Variants in CD300A observed in about 807,000 individuals in gnomAD.
The protein encoded by CD300A is CD300a molecule.
Under a neutral mutation model 33.6 loss-of-function variants are expected in CD300A, and 22 were observed. The ratio of observed to expected loss-of-function variants is 0.66; its 90% CI spans 0.47 to 0.94. The LOEUF (loss-of-function observed/expected upper bound fraction) is 0.94, where lower values mean the gene tolerates loss of function less well. Ranked by LOEUF, CD300A falls within the 40% of genes least tolerant of loss-of-function variation. CD300A has a pLI of 0.00. For synonymous variants in CD300A, 136 were observed against 148.1 expected (o/e 0.92, Z 0.59); for missense variants, 326 against 360.5 (o/e 0.90, Z 0.77).
chr17:74,466,786 G>C, intron 1 of CD300A, 43 bp downstream of exon 1: 1 of 1,564,616 alleles, frequency 6.4e-7, no homozygotes, highest in Non-Finnish European at 8.7e-7. Flanking sequence ...CAGGGAGGGA[G>C]GGTGCGAGGG....
At chr17:74,477,617 C>G in intron 4 of CD300A, 87 bp downstream of exon 4, 1 of 828,076 alleles carries the variant, frequency 1.2e-6, no homozygotes, top group Non-Finnish European at 2.0e-6. Context: ...ATGTCCACGT[C>G]CCACAGTATT....
At chr17:74,477,625 A>G in intron 4 of CD300A, 95 bp downstream of exon 4, 1 of 762,806 alleles carries the variant, frequency 1.3e-6, no homozygotes, top group East Asian at 2.7e-5. Flanking sequence ...GTCCCACAGT[A>G]TTGCTATGAC....
chr17:74,474,448 G>A, intron 2 of CD300A, 84 bp from the exon 3 acceptor site: 3 of 1,414,046 alleles, frequency 2.1e-6, no homozygotes, highest in Admixed American at 1.7e-5. Context: ...GGCAGTTTGT[G>A]TGAAATCAAA....
At chr17:74,474,444 T>G (rs999583981) in intron 2 of CD300A, 88 bp from the exon 3 acceptor site, 1 of 1,360,322 alleles carries the variant, frequency 7.4e-7, no homozygotes, top group African/African-American at 1.4e-5. Flanking sequence ...AGTGGGCAGT[T>G]TGTGTGAAAT....
chr17:74,478,564 G>C (rs542631125), intron 4 of CD300A, among the ~76,000 whole-genome samples: 1 of 152,236 alleles, frequency 6.6e-6, no homozygotes, highest in Non-Finnish European at 1.5e-5. Context: ...AAGTGGAGGT[G>C]TGGCCACCAG....
In CD300A at chr17:74,480,960, G is replaced by T. The variant is rs1227160223; in HGVS notation, c.629-329G>T. On this transcript the variant is annotated intron_variant, in intron 4 of 6. Transcript: ENST00000360141. The surrounding 1 kb of genome is among the most constrained non-coding windows in gnomAD (Gnocchi z 4.2). ...GACAGGGTTTCACCCTATTGGCCCG[G>T]CTGGTCTCGAACTCCTGACCTCAAG... Among the ~76,000 whole-genome samples, 2 of 152,136 alleles carry T rather than the reference G, an allele frequency of 1.3e-5. No homozygotes were observed. Among genetic ancestry groups the T allele is most frequent in the Non-Finnish European group, 2.9e-5 (2 of 68,030 alleles).
intron 3 of CD300A, 80 bp from the exon 4 acceptor site, chr17:74,477,349 CAAAAAAT>C (rs1906533740): frequency 1.1e-6 from 1 of 902,994 alleles, no homozygotes; most frequent in Non-Finnish European, 1.7e-6. Context: ...GATCCTGTCT[CAAAAAAT>C]AAAAATAAAA....
At chr17:74,481,366 C>A in intron 5 of CD300A, 40 bp downstream of exon 5, 1 of 1,598,276 alleles carries the variant, frequency 6.3e-7, no homozygotes, top group Non-Finnish European at 8.6e-7. Flanking sequence ...GGTGGCTGGG[C>A]GGAGGGTACA....
At chr17:74,470,866 G>A (rs1906052956) in intron 1 of CD300A, among the ~76,000 whole-genome samples, 1 of 151,184 alleles carries the variant, frequency 6.6e-6, no homozygotes, top group South Asian at 2.1e-4. Flanking sequence ...GCCCAGGCTG[G>A]CCTCAAATGC....
intron 2 of CD300A, 91 bp downstream of exon 2, chr17:74,473,965 T>C: frequency 7.1e-7 from 1 of 1,400,246 alleles, no homozygotes. Flanking sequence ...AGACAGTGTG[T>C]GTGTGTGTGT....
chr17:74,483,890 A>C, intron 6 of CD300A, 111 bp from the exon 7 acceptor site: 1 of 1,234,462 alleles, frequency 8.1e-7, no homozygotes. Flanking sequence ...GAGCCTCTAC[A>C]GTGAGGCCTC....
intron 1 of CD300A, among the ~76,000 whole-genome samples, chr17:74,472,902 A>G (rs145767181): frequency 0.011 from 1,650 of 152,142 alleles, 15 homozygotes; most frequent in South Asian, 0.028. Flanking sequence ...AACCCACTGT[A>G]CCCAGCCAGT....
At chr17:74,474,163 G>A (rs1427897508) in intron 2 of CD300A, among the ~76,000 whole-genome samples, 1 of 141,900 alleles carries the variant, frequency 7.0e-6, no homozygotes, top group Non-Finnish European at 1.5e-5. Flanking sequence ...GCTGAGTGGG[G>A]GAGGGGTGGG....
At chr17:74,483,897 C>T in intron 6 of CD300A, 104 bp from the exon 7 acceptor site, 1 of 1,318,416 alleles carries the variant, frequency 7.6e-7, no homozygotes, top group Non-Finnish European at 1.1e-6. Flanking sequence ...TACAGTGAGG[C>T]CTCCCCAAAG....
rs1396895753 is a variant in CD300A at position 74,474,747 on chromosome 17, G to A, written c.533+62G>A. On this transcript the variant is annotated intron_variant, in intron 3 of 6. Coordinates refer to ENST00000360141, the MANE Select transcript of CD300A (RefSeq NM_007261.4). Reference sequence around the variant, plus strand: ...TGTGCTAAGAGGAGGAGCCCAGGGCGGGGACCTTGGCCATGTGGGCCAGCT... The same window carrying A: ...TGTGCTAAGAGGAGGAGCCCAGGGCAGGGACCTTGGCCATGTGGGCCAGCT... The A allele has an allele frequency of 5.8e-5, 90 of 1,559,056 alleles. 1 individual carries two copies. Among genetic ancestry groups the A allele is most frequent in the African/African-American group, 6.8e-5 (5 of 73,522 alleles).
chr17:74,475,312 G>T (rs1010425050), intron 3 of CD300A, among the ~76,000 whole-genome samples: 1 of 152,110 alleles, frequency 6.6e-6, no homozygotes, highest in South Asian at 2.1e-4. Flanking sequence ...CCCACAACAC[G>T]TGGGAATTAT....
chr17:74,472,438 C>T (rs1037706569), intron 1 of CD300A, among the ~76,000 whole-genome samples: 1 of 152,106 alleles, frequency 6.6e-6, no homozygotes, highest in East Asian at 1.9e-4. Context: ...ACACTAGCTT[C>T]GAGCCATCAC....
intron 1 of CD300A, among the ~76,000 whole-genome samples, chr17:74,470,878 TA>T (rs201991739): frequency 0.03 from 4,537 of 151,824 alleles, 100 homozygotes; most frequent in African/African-American, 0.066. Context: ...CTCAAATGCC[TA>T]AGGCTCAAGC....
intron 1 of CD300A, among the ~76,000 whole-genome samples, chr17:74,468,041 A>G (rs866138827): frequency 1.3e-4 from 20 of 150,986 alleles, no homozygotes; most frequent in African/African-American, 4.6e-4. Context: ...TTATTTATTT[A>G]TTTATTTTTT....
Sources: gnomAD v4.1 joint callset for allele counts (sites outside exome capture counted in the v4.1 genomes callset) on GRCh38, gnomAD v4.1.1 for gene constraint, Gnocchi (gnomAD v3.1) non-coding constraint, MANE v1.5 for transcripts, NCBI Gene and HGNC (gene_info 2026-07-23, HGNC 2026-07-21) for gene names.